Variants in EYS observed in about 807,000 individuals in gnomAD.
The protein encoded by EYS is EGF-like photoreceptor maintenance factor, also known as protein eyes shut homolog.
Under a neutral mutation model 282.1 loss-of-function variants are expected in EYS, and 250 were observed. The ratio of observed to expected loss-of-function variants is 0.89; its 90% CI spans 0.80 to 0.98. EYS has a LOEUF of 0.98. EYS is among the 50% of genes least tolerant of loss of function. EYS has a pLI of 0.00. For missense variants in EYS, 4,016 were observed against 3,709.0 expected (o/e 1.08, Z -2.15); for synonymous variants, 1,355 against 1,282.9 (o/e 1.06, Z -1.20).
chr6:65,062,279 T>C (rs1004556208), intron 12 of EYS, among the ~76,000 whole-genome samples: 1 of 151,910 alleles, frequency 6.6e-6, no homozygotes, highest in Non-Finnish European at 1.5e-5. Flanking sequence ...CTGTGATAAA[T>C]AACAAAACCC....
intron 30 of EYS, among the ~76,000 whole-genome samples, chr6:64,241,932 T>A (rs1766847698): frequency 1.3e-5 from 2 of 151,854 alleles, no homozygotes; most frequent in Admixed American, 1.3e-4. Flanking sequence ...TTTCGTTATT[T>A]ATTCAGGAGC....
intron 39 of EYS, among the ~76,000 whole-genome samples, chr6:63,781,113 T>C (rs1770211529): frequency 6.6e-6 from 1 of 152,244 alleles, no homozygotes; most frequent in Non-Finnish European, 1.5e-5. Context: ...TCTATATCTC[T>C]GTTTTGGTAG....
chr6:64,150,037 T>C (rs1420102793), intron 31 of EYS, among the ~76,000 whole-genome samples: 1 of 152,210 alleles, frequency 6.6e-6, no homozygotes. Context: ...TTTTCATAAT[T>C]GGAACTATCC....
At chr6:64,258,298 TC>T (rs1767470750) in intron 30 of EYS, among the ~76,000 whole-genome samples, 1 of 151,956 alleles carries the variant, frequency 6.6e-6, no homozygotes, top group Non-Finnish European at 1.5e-5. Context: ...CAAATAAACC[TC>T]CTGCAGTAGC....
chr6:64,017,976 A>G (rs1030454780), intron 33 of EYS, among the ~76,000 whole-genome samples: 17 of 152,302 alleles, frequency 1.1e-4, no homozygotes, highest in African/African-American at 3.9e-4. Context: ...TATAAGAAAT[A>G]ATATGTTGGG....
At chr6:63,971,042 A>G (rs1021019099) in intron 35 of EYS, among the ~76,000 whole-genome samples, 3 of 152,206 alleles carry the variant, frequency 2.0e-5, no homozygotes, top group African/African-American at 7.2e-5. Flanking sequence ...AGGACCATAA[A>G]TTGTAACATT....
intron 5 of EYS, among the ~76,000 whole-genome samples, chr6:65,454,527 T>C (rs77332206): frequency 0.013 from 1,987 of 152,014 alleles, 41 homozygotes; most frequent in African/African-American, 0.045. Context: ...AATTAGCCTA[T>C]TTTTGCTTTT....
chr6:65,672,539 C>T (rs1259438457), intron 1 of EYS, among the ~76,000 whole-genome samples: 1 of 152,096 alleles, frequency 6.6e-6, no homozygotes, highest in Non-Finnish European at 1.5e-5. Flanking sequence ...TTTTCAAATG[C>T]ATAGATCCCA....
At chr6:65,699,883 G>A (rs2149851176) in intron 1 of EYS, among the ~76,000 whole-genome samples, 1 of 152,026 alleles carries the variant, frequency 6.6e-6, no homozygotes, top group South Asian at 2.1e-4. Flanking sequence ...GGGAGGCCGA[G>A]GCGGGCGAAT....
At chr6:64,900,624 G>T (rs1767624787) in intron 18 of EYS, among the ~76,000 whole-genome samples, 1 of 152,052 alleles carries the variant, frequency 6.6e-6, no homozygotes, top group African/African-American at 2.4e-5. Context: ...ACAAATATAT[G>T]AAAAAAAGCT....
chr6:64,550,065 A>C (rs1356213703), intron 26 of EYS, among the ~76,000 whole-genome samples: 3 of 152,086 alleles, frequency 2.0e-5, no homozygotes, highest in African/African-American at 4.8e-5. Flanking sequence ...AGCACATGAA[A>C]TCATCCTTTT....
intron 13 of EYS, among the ~76,000 whole-genome samples, chr6:65,043,249 C>T (rs966881741): frequency 1.3e-5 from 2 of 151,436 alleles, no homozygotes; most frequent in African/African-American, 4.8e-5. Context: ...TTGAAATATA[C>T]ACATGTAGTA....
intron 5 of EYS, among the ~76,000 whole-genome samples, chr6:65,458,706 T>G (rs1010742943): frequency 2.6e-5 from 4 of 152,144 alleles, no homozygotes; most frequent in African/African-American, 9.7e-5. Context: ...TAATTTAGGG[T>G]ATACCCAATC....
At chr6:65,078,497 A>C (rs1003806490) in intron 12 of EYS, among the ~76,000 whole-genome samples, 2 of 152,046 alleles carry the variant, frequency 1.3e-5, no homozygotes, top group African/African-American at 4.8e-5. Flanking sequence ...AGGTCAAAGG[A>C]GTGTGACCAG....
At chr6:64,245,612 G>A (rs981716612) in intron 30 of EYS, among the ~76,000 whole-genome samples, 1 of 152,018 alleles carries the variant, frequency 6.6e-6, no homozygotes, top group African/African-American at 2.4e-5. Context: ...GCAGATTTAA[G>A]CCACTTCCTT....
chr6:65,637,583 G>C lies in EYS; in HGVS notation c.-333+2195C>G, dbSNP rs182373660. Among the ~76,000 whole-genome samples, 482 of 152,294 alleles carry C rather than the reference G, an allele frequency of 3.2e-3. 4 individuals are homozygous for C. The highest frequency in any genetic ancestry group is 0.011 in the African/African-American group (452 of 41,564). Reference sequence around the variant, plus strand: ...TGGACTCTAGCATCACTGCACTCTTGGGGGCCCAGGAAGCTACTTGCCATA... The same window carrying C: ...TGGACTCTAGCATCACTGCACTCTTCGGGGCCCAGGAAGCTACTTGCCATA... On this transcript the variant is annotated intron_variant, in intron 2 of 42. Coordinates refer to ENST00000503581, the MANE Select transcript of EYS (RefSeq NM_001142800.2).
At chr6:64,178,787 C>T (rs1764705754) in intron 31 of EYS, among the ~76,000 whole-genome samples, 3 of 152,056 alleles carry the variant, frequency 2.0e-5, no homozygotes, top group Non-Finnish European at 4.4e-5. Context: ...TAATCCCTTA[C>T]TCCTGACACT....
intron 9 of EYS, among the ~76,000 whole-genome samples, chr6:65,345,015 G>C (rs147350109): frequency 6.6e-6 from 1 of 151,574 alleles, no homozygotes; most frequent in African/African-American, 2.4e-5. Context: ...GACTCGCAAG[G>C]CATCATTTCT....
At chr6:65,482,531 G>T (rs1765645666) in intron 5 of EYS, among the ~76,000 whole-genome samples, 1 of 152,162 alleles carries the variant, frequency 6.6e-6, no homozygotes, top group Non-Finnish European at 1.5e-5. Flanking sequence ...AGTTATATCT[G>T]ATTTAGCTCC....
Sources: gnomAD v4.1 joint callset for allele counts (sites outside exome capture counted in the v4.1 genomes callset) on GRCh38, gnomAD v4.1.1 for gene constraint, MANE v1.5 for transcripts, NCBI Gene and HGNC (gene_info 2026-07-23, HGNC 2026-07-21) for gene names.